The following RAB27B variants were observed in gnomAD, a reference collection of about 807,000 sequenced individuals.
RAB27B encodes the protein RAB27B, member RAS oncogene family, also known as ras-related protein Rab-27B.
Under a neutral mutation model 24.6 loss-of-function variants are expected in RAB27B, and 15 were observed. That is an observed-to-expected ratio of 0.61 (90% CI 0.41 to 0.94). The LOEUF (loss-of-function observed/expected upper bound fraction) is 0.94. Among genes scored for constraint, RAB27B ranks in the 40% least tolerant of loss-of-function variants. The pLI, the probability that RAB27B is intolerant of heterozygous loss-of-function variation, is 0.00. For synonymous variants in RAB27B, 105 were observed against 92.5 expected (o/e 1.14, Z -0.78); for missense variants, 261 against 266.8 (o/e 0.98, Z 0.15).
chr18:54,857,729 CA>C (rs142459549), intron 1 of RAB27B, among the ~76,000 whole-genome samples: 5,498 of 152,232 alleles, frequency 0.036, 325 homozygotes, highest in African/African-American at 0.12. Flanking sequence ...CATGCAGACG[CA>C]ATGTGCACAT....
At position 54,889,533 on chromosome 18, in the gene RAB27B, C is replaced by G. The variant is rs1913283982; in HGVS notation, c.*120C>G. Reference sequence around the variant, plus strand: ...CAATGGCATGTCTTTCTTTTTCTGCCAGAAAATCTATTTTAAGAAACCAGA... The same window carrying G: ...CAATGGCATGTCTTTCTTTTTCTGCGAGAAAATCTATTTTAAGAAACCAGA... On this transcript the variant is annotated 3_prime_UTR_variant, in exon 6 of 6. Coordinates refer to ENST00000262094, the MANE Select transcript of RAB27B (RefSeq NM_004163.4). The G allele has an allele frequency of 3.2e-6, 3 of 941,704 alleles. No homozygotes were observed. The highest frequency in any genetic ancestry group is 4.6e-6 in the Non-Finnish European group (3 of 657,332). The allele number at this position is 941,704 out of a possible 1,614,324, so 58.3% of individuals were successfully genotyped here.
intron 2 of RAB27B, among the ~76,000 whole-genome samples, chr18:54,721,666 ATAT>A (rs1440490657): frequency 1.3e-5 from 2 of 152,324 alleles, no homozygotes; most frequent in Middle Eastern, 3.4e-3. Flanking sequence ...AAGCAATTAA[ATAT>A]TATTAACCAA....
intron 2 of RAB27B, among the ~76,000 whole-genome samples, chr18:54,762,404 A>G (rs534880023): frequency 1.7e-4 from 26 of 152,154 alleles, no homozygotes; most frequent in African/African-American, 6.3e-4. Context: ...TGGCCAGGAA[A>G]TTCTGTAGCT....
intron 1 of RAB27B, among the ~76,000 whole-genome samples, chr18:54,843,153 C>T (rs990790985): frequency 6.6e-6 from 1 of 152,108 alleles, no homozygotes; most frequent in Non-Finnish European, 1.5e-5. Flanking sequence ...AAATCACTGT[C>T]TTTCAAATTC....
chr18:54,770,957 T>C (rs1183007830), intron 2 of RAB27B, among the ~76,000 whole-genome samples: 1 of 152,174 alleles, frequency 6.6e-6, no homozygotes, highest in East Asian at 1.9e-4. Flanking sequence ...GACACTAGTT[T>C]TTCTCATTTA....
At chr18:54,867,169 G>C (rs1174704562) in intron 1 of RAB27B, among the ~76,000 whole-genome samples, 3 of 152,104 alleles carry the variant, frequency 2.0e-5, no homozygotes, top group East Asian at 1.9e-4. Context: ...AACCAAAAAT[G>C]AGTTTTTGGT....
intron 2 of RAB27B, among the ~76,000 whole-genome samples, chr18:54,787,388 GTGT>G (rs1298889931): frequency 2.0e-5 from 3 of 152,188 alleles, no homozygotes; most frequent in Admixed American, 1.3e-4. Context: ...TATAACTATA[GTGT>G]TGTTATTTTC....
chr18:54,823,342 G>A lies in RAB27B; in HGVS notation c.-19-54225G>A, dbSNP rs141719094. Among the ~76,000 whole-genome samples, 283 of 152,294 alleles carry A rather than the reference G, an allele frequency of 1.9e-3. 5 individuals are homozygous for A. The South Asian group carries it at 0.035, about 19-fold the overall frequency. On this transcript the variant is annotated intron_variant, in intron 2 of 4. Transcript: ENST00000586570. Reference sequence around the variant, plus strand: ...ATCAGCAGGAGGTAGGGGCACACCCGTGCATAACTTTCTGGTGAAGCCTTC... The same window carrying A: ...ATCAGCAGGAGGTAGGGGCACACCCATGCATAACTTTCTGGTGAAGCCTTC...
chr18:54,732,385 T>C (rs1909757516), intron 2 of RAB27B, among the ~76,000 whole-genome samples: 1 of 152,128 alleles, frequency 6.6e-6, no homozygotes, highest in Non-Finnish European at 1.5e-5. Flanking sequence ...TAAAGTGATA[T>C]TTGAAAGAGA....
At chr18:54,737,419 T>G (rs1909929085) in intron 2 of RAB27B, among the ~76,000 whole-genome samples, 1 of 151,248 alleles carries the variant, frequency 6.6e-6, no homozygotes, top group South Asian at 2.1e-4. Context: ...TAACATTAAA[T>G]TTGATTGCAG....
chr18:54,728,485 G>C (rs566985313), intron 2 of RAB27B, among the ~76,000 whole-genome samples: 1 of 152,246 alleles, frequency 6.6e-6, no homozygotes, highest in Non-Finnish European at 1.5e-5. Flanking sequence ...AGCAAACTGG[G>C]AAAATTATCA....
chr18:54,721,318 G>A (rs890601271), intron 2 of RAB27B, among the ~76,000 whole-genome samples: 5 of 152,104 alleles, frequency 3.3e-5, no homozygotes, highest in African/African-American at 4.8e-5. Flanking sequence ...CATGGGAGAC[G>A]ATTAATATAC....
chr18:54,807,325 A>G (rs887477604), intron 2 of RAB27B, among the ~76,000 whole-genome samples: 1 of 152,318 alleles, frequency 6.6e-6, no homozygotes, highest in East Asian at 1.9e-4. Context: ...GTATTTTGGG[A>G]AAAAGTCTTT....
rs577851484 is a variant in RAB27B, at chr18:54,761,303, AATAG to A, written c.-20+43168_-20+43171del. Among the ~76,000 whole-genome samples, 87 of 152,260 alleles carry A rather than the reference AATAG, an allele frequency of 5.7e-4. 1 individual carries two copies. Among genetic ancestry groups the A allele is most frequent in the African/African-American group, 1.7e-3 (70 of 41,556 alleles). ...CCCTAAAAAGAAATATTTTCACTCA[AATAG>A]ATAGAGTGAATCAAAATATAGAGTT... On this transcript the variant is annotated intron_variant, in intron 2 of 4. Transcript: ENST00000586570.
chr18:54,796,126 G>A (rs879308891), intron 2 of RAB27B, among the ~76,000 whole-genome samples: 11 of 152,264 alleles, frequency 7.2e-5, no homozygotes, highest in Non-Finnish European at 1.0e-4. Flanking sequence ...TGTGACAGGG[G>A]TGGCTCGCTC....
chr18:54,720,630 T>C (rs541658587), intron 2 of RAB27B, among the ~76,000 whole-genome samples: 6 of 152,006 alleles, frequency 3.9e-5, no homozygotes, highest in Non-Finnish European at 8.8e-5. Flanking sequence ...AGTATTGCAG[T>C]TTGCTTTTTC....
rs1018923036 is a variant in RAB27B, at chr18:54,722,277, G to C, written c.-20+4136G>C. On this transcript the variant is annotated intron_variant, in intron 2 of 4. Coordinates refer to the RAB27B transcript ENST00000586570. ...GGCACTTCCACAGACAACAGAAAAA[G>C]AAAGAATTGTTTCCGAATCTTCTAA... 5.9e-5 allele frequency among the ~76,000 whole-genome samples: 9 copies of C among 152,138 alleles called. No individual in the cohort carries two copies. The East Asian group carries it at 1.7e-3, about 29-fold the overall frequency.
rs114156247 is a variant in RAB27B, at chr18:54,861,548, A to G, written c.-19-16019A>G. 2.5e-3 allele frequency among the ~76,000 whole-genome samples: 378 copies of G among 152,260 alleles called. 4 individuals are homozygous for G. Among genetic ancestry groups the G allele is most frequent in the African/African-American group, 8.3e-3 (347 of 41,566 alleles). On this transcript the variant is annotated intron_variant, in intron 1 of 5. Coordinates refer to ENST00000262094, the MANE Select transcript of RAB27B (RefSeq NM_004163.4). ...TAACTAAGCACTGTCTTAGGAAAAG[A>G]TATGTCTTTATGAGTGTGGTCTACT...
At chr18:54,770,969 G>T (rs755489909) in intron 2 of RAB27B, among the ~76,000 whole-genome samples, 32 of 152,082 alleles carry the variant, frequency 2.1e-4, no homozygotes, top group Admixed American at 4.6e-4. Flanking sequence ...TCTCATTTAG[G>T]TTCTGTCCCT....
Sources: gnomAD v4.1 joint callset for allele counts (sites outside exome capture counted in the v4.1 genomes callset) on GRCh38, gnomAD v4.1.1 for gene constraint, MANE v1.5 for transcripts, NCBI Gene and HGNC (gene_info 2026-07-23, HGNC 2026-07-21) for gene names.